The following SDK1 variants were observed in gnomAD, a reference collection of about 807,000 sequenced individuals.
The protein encoded by SDK1 is sidekick cell adhesion molecule 1.
A neutral mutation model predicts 245.5 loss-of-function variants in SDK1; 157 were observed. The ratio of observed to expected loss-of-function variants is 0.64; its 90% CI spans 0.56 to 0.73. The LOEUF is 0.73. Ranked by LOEUF, SDK1 falls within the 30% of genes least tolerant of loss-of-function variation. SDK1 has a pLI of 0.00. For synonymous variants in SDK1, 1,647 were observed against 1,278.5 expected (o/e 1.29, Z -6.15); for missense variants, 3,583 against 3,002.3 (o/e 1.19, Z -4.52).
intron 4 of SDK1, among the ~76,000 whole-genome samples, chr7:3,693,120 T>G (rs1784479555): frequency 6.6e-6 from 1 of 152,074 alleles, no homozygotes; most frequent in African/African-American, 2.4e-5. Flanking sequence ...GTAGACATAT[T>G]TCTTAACGAT....
chr7:4,098,322 C>G (rs1444965077), intron 22 of SDK1, among the ~76,000 whole-genome samples: 1 of 152,212 alleles, frequency 6.6e-6, no homozygotes, highest in Non-Finnish European at 1.5e-5. Flanking sequence ...ATATAAATCA[C>G]AACCGTCAAA....
chr7:3,796,989 TTTTCTTTC>T (rs34025744), intron 4 of SDK1, among the ~76,000 whole-genome samples: 4 of 151,840 alleles, frequency 2.6e-5, no homozygotes, highest in Non-Finnish European at 5.9e-5. Flanking sequence ...TTCCTTTTCT[TTTTCTTTC>T]TTTCTTTCTT....
chr7:3,824,546 C>T (rs954471912), intron 5 of SDK1, among the ~76,000 whole-genome samples: 3 of 152,126 alleles, frequency 2.0e-5, no homozygotes, highest in African/African-American at 7.2e-5. Flanking sequence ...ATAATCCGTT[C>T]CTTCCTTGAG....
At chr7:4,216,416 A>G (rs182357968) in intron 38 of SDK1, among the ~76,000 whole-genome samples, 198 of 152,242 alleles carry the variant, frequency 1.3e-3, no homozygotes, top group African/African-American at 4.6e-3. Context: ...CGAGGCCCCT[A>G]GGAGACAACT....
chr7:3,864,327 A>G (rs1780769442), intron 5 of SDK1, among the ~76,000 whole-genome samples: 1 of 152,140 alleles, frequency 6.6e-6, no homozygotes, highest in Middle Eastern at 3.4e-3. Context: ...ATTTTTACAT[A>G]TCTTTTGCTG....
At chr7:4,122,680 G>A (rs1244485574) in intron 25 of SDK1, among the ~76,000 whole-genome samples, 1 of 152,122 alleles carries the variant, frequency 6.6e-6, no homozygotes, top group Non-Finnish European at 1.5e-5. Context: ...GAGCTGCATA[G>A]TGTGAAATCC....
At chr7:4,255,914 C>CT (rs34810935) in intron 44 of SDK1, among the ~76,000 whole-genome samples, 1,120 of 104,004 alleles carry the variant, frequency 0.011, 20 homozygotes, top group African/African-American at 0.016. Context: ...TTTCCAAATA[C>CT]TTTTTTTTTT....
intron 1 of SDK1, among the ~76,000 whole-genome samples, chr7:3,555,720 A>G (rs1294795169): frequency 2.0e-5 from 3 of 152,176 alleles, no homozygotes; most frequent in Admixed American, 2.0e-4. Context: ...AAGCAACTCT[A>G]TAGGAAAATA....
At chr7:3,338,233 G>T in intron 1 of SDK1, 1 of 302,710 alleles carries the variant, frequency 3.3e-6, no homozygotes, top group East Asian at 7.3e-5. Context: ...CTATAAGAAA[G>T]ATGATATTGG....
intron 4 of SDK1, among the ~76,000 whole-genome samples, chr7:3,726,310 G>C (rs1779006054): frequency 1.3e-5 from 2 of 152,244 alleles, no homozygotes; most frequent in Non-Finnish European, 1.5e-5. Flanking sequence ...ATTCTGATCA[G>C]TGTGAAGAAC....
rs1186298655 is a variant in SDK1, at chr7:3,468,571, C to G, written c.299-150509C>G. Among the ~76,000 whole-genome samples, 4 of 152,256 alleles carry G rather than the reference C, an allele frequency of 2.6e-5. No individual in the cohort carries two copies. In the East Asian group the frequency reaches 5.8e-4, roughly 22 times the overall value. ...ACTAGCCAGAAGAACATTGTCTGACCTACGGTGTTTGACTGTAGGTCATAA... is the reference window on the plus strand; with the variant it reads ...ACTAGCCAGAAGAACATTGTCTGACGTACGGTGTTTGACTGTAGGTCATAA... On this transcript the variant is annotated intron_variant, in intron 1 of 44. Transcript: ENST00000404826.
chr7:3,545,856 C>G (rs1429944542), intron 1 of SDK1, among the ~76,000 whole-genome samples: 2 of 152,204 alleles, frequency 1.3e-5, no homozygotes, highest in African/African-American at 4.8e-5. Context: ...TAAACTCATA[C>G]CTAAAATATA....
chr7:3,321,712 CT>C lies in SDK1; in HGVS notation c.298+19829del, dbSNP rs1351459317. On this transcript the variant is annotated intron_variant, in intron 1 of 44. Coordinates refer to ENST00000404826, the MANE Select transcript of SDK1 (RefSeq NM_152744.4). ...CTTCCTTCTCCTCCTCCTCCTCCCCCTCCCTCTCCCCTCTCCCTCCCATCCC... is the reference window on the plus strand; with the variant it reads ...CTTCCTTCTCCTCCTCCTCCTCCCCCCCCTCTCCCCTCTCCCTCCCATCCC... Among the ~76,000 whole-genome samples the C allele has an allele frequency of 1.6e-3, 83 of 52,992 alleles. 1 individual carries two copies. The highest frequency in any genetic ancestry group is 0.01 in the African/African-American group (78 of 7,788). 34.8% of individuals were successfully genotyped at this position (52,992 alleles called of 152,430 possible).
At chr7:4,256,270 A>G (rs897914040) in intron 44 of SDK1, among the ~76,000 whole-genome samples, 20 of 152,222 alleles carry the variant, frequency 1.3e-4, no homozygotes, top group African/African-American at 4.1e-4. Context: ...CAGTTAAATC[A>G]TTGTTCCGCT....
At chr7:4,079,327 A>G (rs1263571561) in intron 21 of SDK1, 136 bp from the exon 22 acceptor site, 15 of 1,119,770 alleles carry the variant, frequency 1.3e-5, no homozygotes, top group South Asian at 1.3e-4. Context: ...TCTCACCTTC[A>G]TGGTTTTGAG....
At chr7:4,018,153 T>C (rs28694410) in intron 17 of SDK1, among the ~76,000 whole-genome samples, 8,093 of 152,306 alleles carry the variant, frequency 0.053, 599 homozygotes, top group African/African-American at 0.17. Context: ...ATTTTTCTAC[T>C]GAGTCTAAAA....
At chr7:4,149,485 C>T in intron 30 of SDK1, 22 bp downstream of exon 30, 2 of 1,427,060 alleles carry the variant, frequency 1.4e-6, no homozygotes, top group Non-Finnish European at 1.8e-6. Flanking sequence ...GCAGGAGCAC[C>T]TCCCCGGGGA....
intron 1 of SDK1, among the ~76,000 whole-genome samples, chr7:3,376,354 C>A (rs17740256): frequency 0.025 from 3,818 of 152,154 alleles, 73 homozygotes; most frequent in Non-Finnish European, 0.036. Flanking sequence ...AAATAACAAA[C>A]CTTATAAACA....
chr7:3,344,018 CAA>C lies in SDK1; in HGVS notation c.298+42151_298+42152del, dbSNP rs397939224. On this transcript the variant is annotated intron_variant, in intron 1 of 44. Transcript: ENST00000404826. ...ACCATAGTTGCTAAACACATACAAC[CAA>C]AAAAAAAAAAAAAAAACTAGAAATG... is the stretch of plus-strand genomic sequence containing the variant. Among the ~76,000 whole-genome samples the C allele has an allele frequency of 4.8e-3, 586 of 122,548 alleles. 1 individual carries two copies. The highest frequency in any genetic ancestry group is 0.011 in the African/African-American group (412 of 36,054). The allele number at this position is 122,548 out of a possible 152,430, so 80.4% of individuals were successfully genotyped here.
Sources: allele counts gnomAD v4.1 joint callset (sites outside exome capture counted in the v4.1 genomes callset), GRCh38; gene constraint gnomAD v4.1.1; transcripts MANE v1.5; gene names NCBI Gene and HGNC (gene_info 2026-07-23, HGNC 2026-07-21).